CIZ1: variants seen among roughly 807,000 people sequenced by gnomAD.
The protein encoded by CIZ1 is CDKN1A interacting zinc finger protein 1, also known as cip1-interacting zinc finger protein.
CIZ1 carries 58 observed loss-of-function variants against 118.6 expected under a neutral mutation model. That is an observed-to-expected ratio of 0.49 (90% confidence interval 0.40 to 0.61). The LOEUF (loss-of-function observed/expected upper bound fraction) is 0.61, where lower values mean the gene tolerates loss of function less well. Ranked by LOEUF, CIZ1 falls within the 20% of genes least tolerant of loss-of-function variation. CIZ1 has a pLI of 0.00. For synonymous variants in CIZ1, 448 were observed against 443.4 expected, an observed-to-expected ratio of 1.01 and a Z score of -0.13; for missense variants, 921 against 1,115.9, an observed-to-expected ratio of 0.83 and a Z score of 2.49.
chr9:128,181,158 T>C (rs953975810), intron 5 of CIZ1, among the ~76,000 whole-genome samples: 1 of 152,084 alleles, frequency 6.6e-6, no homozygotes, highest in Admixed American at 6.5e-5. Flanking sequence ...TCTTGTGGCC[T>C]AGGCTGGAGT....
At chr9:128,185,518 G>A (rs769726415) in intron 5 of CIZ1, 29 bp downstream of exon 5, 14 of 601,788 alleles carry the variant, frequency 2.3e-5, no homozygotes, top group Middle Eastern at 7.7e-4. Flanking sequence ...GTCCCCTCCC[G>A]CCCACTCCCA....
chr9:128,181,771 G>T (rs918199778), intron 5 of CIZ1, among the ~76,000 whole-genome samples: 2 of 151,578 alleles, frequency 1.3e-5, no homozygotes, highest in Admixed American at 6.6e-5. Flanking sequence ...AGGCGGGGGG[G>T]GGGGGGGGGT....
Position 128,177,556 on chromosome 9 carries a change from G to C in CIZ1, c.1818+10C>G, listed in dbSNP as rs1353185026. On this transcript the variant is annotated intron_variant, in intron 10 of 16. Transcript: ENST00000372938. Reference sequence around the variant, plus strand: ...CCACCCCTCCCCACCCTTATCTCCTGTATCAGTACCTGCTGGCTGGAGCAG... The same window carrying C: ...CCACCCCTCCCCACCCTTATCTCCTCTATCAGTACCTGCTGGCTGGAGCAG... The C allele has an allele frequency of 2.2e-6, 3 of 1,344,008 alleles. No individual in the cohort carries two copies. The highest frequency in any genetic ancestry group is 3.0e-6 in the Non-Finnish European group (3 of 1,002,840). 83.3% of individuals were successfully genotyped at this position (1,344,008 alleles called of 1,614,324 possible). A position where few individuals can be genotyped will look rare whatever the true frequency, so the allele number is the denominator to read the frequency against.
At chr9:128,170,494 A>G (rs1326308124) in intron 11 of CIZ1, among the ~76,000 whole-genome samples, 3 of 152,172 alleles carry the variant, frequency 2.0e-5, no homozygotes, top group African/African-American at 7.2e-5. Flanking sequence ...TCTAGCAAAA[A>G]TACAAAAAAT....
Position 128,203,590 on chromosome 9 carries a change from G to T in CIZ1, c.-6+596C>A. The T allele has an allele frequency of 6.4e-7, 1 of 1,552,200 alleles. No homozygotes were observed. The highest frequency in any genetic ancestry group is 8.7e-7 in the Non-Finnish European group (1 of 1,153,520). On this transcript the variant is annotated intron_variant, in intron 1 of 17. Coordinates refer to the CIZ1 transcript ENST00000372948. The surrounding 1 kb of genome is among the most constrained non-coding windows in gnomAD (Gnocchi z 5.3). ...CGCAGATCGCTGTGGTGGGCGGCCA[G>T]AGCGCCGGCAAGAGCTCGGTGCTCG...
intron 14 of CIZ1, 87 bp downstream of exon 14, chr9:128,168,965 G>C: frequency 2.5e-6 from 4 of 1,581,560 alleles, no homozygotes; most frequent in Non-Finnish European, 3.4e-6. Flanking sequence ...TGCCAGCCCA[G>C]TGTCTGGCCT....
chr9:128,192,825 G>C (rs775143804), upstream of CIZ1, among the ~76,000 whole-genome samples: 2 of 152,246 alleles, frequency 1.3e-5, no homozygotes, highest in Non-Finnish European at 2.9e-5. Context: ...TTACAGGGGT[G>C]AGCCACCTCT....
chr9:128,175,922 A>AG (rs1395356343), intron 11 of CIZ1, among the ~76,000 whole-genome samples: 2 of 152,242 alleles, frequency 1.3e-5, no homozygotes, highest in Non-Finnish European at 2.9e-5. Flanking sequence ...TCCAGACCCC[A>AG]GGAGGGCTGA....
chr9:128,203,641 G>T lies in CIZ1; in HGVS notation c.-6+545C>A. On this transcript the variant is annotated intron_variant, in intron 1 of 17. Coordinates refer to the CIZ1 transcript ENST00000372948. The surrounding 1 kb of genome is among the most constrained non-coding windows in gnomAD (Gnocchi z 5.3). ...AGAATTTCGTAGGCAGGTAGGCGCGGCGCGCCCCCAGGCGCCGACCCCCGA... is the reference window on the plus strand; with the variant it reads ...AGAATTTCGTAGGCAGGTAGGCGCGTCGCGCCCCCAGGCGCCGACCCCCGA... The T allele has an allele frequency of 6.6e-7, 1 of 1,517,192 alleles. No homozygotes were observed. The highest frequency in any genetic ancestry group is 8.8e-7 in the Non-Finnish European group (1 of 1,139,750). The allele number at this position is 1,517,192 out of a possible 1,614,324, so 94.0% of individuals were successfully genotyped here. A position where few individuals can be genotyped will look rare whatever the true frequency, so the allele number is the denominator to read the frequency against.
rs373247353 is a variant in CIZ1 at position 128,169,046 on chromosome 9, C to G, written c.2295+6G>C. On this transcript the variant is annotated splice_donor_region_variant and intron_variant, in intron 14 of 16. Transcript: ENST00000372938. ...AAGCCCGCCTCCCACACCCTCCCCC[C>G]AGCACCTGCTTGCAGAGTTCCTCCT... 6.2e-6 allele frequency: 10 copies of G among 1,613,982 alleles called. No homozygotes were observed. The highest frequency in any genetic ancestry group is 8.5e-6 in the Non-Finnish European group (10 of 1,179,988).
At chr9:128,181,570 G>C (rs1428635802) in intron 5 of CIZ1, among the ~76,000 whole-genome samples, 1 of 152,224 alleles carries the variant, frequency 6.6e-6, no homozygotes, top group Non-Finnish European at 1.5e-5. Context: ...TAGGAGCTGA[G>C]GGGACATAGT....
At position 128,185,716 on chromosome 9, in the gene CIZ1, G is replaced by T. The variant is rs755879444; in HGVS notation, c.419C>A (p.Pro140Gln). The T allele has an allele frequency of 1.9e-6, 3 of 1,612,468 alleles. No individual in the cohort carries two copies. The highest frequency in any genetic ancestry group is 1.7e-5 in the Admixed American group (1 of 59,836). The change falls in exon 5 of 17, where the codon CCA becomes CAA. Residue 140 changes from proline to glutamine, a missense_variant. Transcript: ENST00000372938. ...TTGCAAATTTGGAGTGGCCAGTTGT[G>T]GGGGTGTGAGGCTGGGGGCTGCGAG... ...PGLAAPSLTP[P>Q]QLATPNLQQF...
chr9:128,190,862 G>A lies in CIZ1; in HGVS notation c.-5C>T. ...CTGCTGCTGCTGGCTGAACATGGTG[G>A]CTAGGGGCAGAAAGCAGAGTGAGGC... is the stretch of plus-strand genomic sequence containing the variant. On this transcript the variant is annotated splice_region_variant and 5_prime_UTR_variant, in exon 2 of 17. Coordinates refer to ENST00000372938, the MANE Select transcript of CIZ1 (RefSeq NM_001131016.2). 1 of 1,538,590 alleles carries A rather than the reference G, an allele frequency of 6.5e-7. No individual in the cohort carries two copies. The highest frequency in any genetic ancestry group is 8.7e-7 in the Non-Finnish European group (1 of 1,146,280).
intron 5 of CIZ1, among the ~76,000 whole-genome samples, chr9:128,183,409 C>T (rs1446406566): frequency 1.3e-5 from 2 of 152,234 alleles, no homozygotes; most frequent in African/African-American, 4.8e-5. Context: ...TCTGTGATGA[C>T]AGGCCCGTTG....
At chr9:128,188,091 T>TAAAAAAAAAAAAAA (rs1564294678) in intron 3 of CIZ1, among the ~76,000 whole-genome samples, 157 bp from the exon 4 acceptor site, 2 of 26,886 alleles carry the variant, frequency 7.4e-5, no homozygotes, top group Admixed American at 4.9e-4. Flanking sequence ...AACAAAAAAT[T>TAAAAAAAAAAAAAA]AAAAAAAGCA....
intron 5 of CIZ1, among the ~76,000 whole-genome samples, chr9:128,181,433 T>C (rs1019464803): frequency 6.6e-6 from 1 of 152,210 alleles, no homozygotes; most frequent in Non-Finnish European, 1.5e-5. Flanking sequence ...ATACCAGATA[T>C]AGATCTTAGA....
intron 5 of CIZ1, among the ~76,000 whole-genome samples, chr9:128,184,857 AG>A (rs1156316016): frequency 6.6e-6 from 1 of 151,918 alleles, no homozygotes; most frequent in East Asian, 2.0e-4. Context: ...TTAGTAGAGA[AG>A]GGGGTTTTGC....
chr9:128,174,414 T>A (rs1828089187), intron 11 of CIZ1, among the ~76,000 whole-genome samples: 1 of 152,232 alleles, frequency 6.6e-6, no homozygotes, highest in Admixed American at 6.5e-5. Flanking sequence ...GTGCCCACTG[T>A]AGTGAGAGAT....
In CIZ1 at chr9:128,176,330, C is replaced by T. The variant is rs542127293; in HGVS notation, c.1943+21G>A. 3.1e-6 allele frequency: 5 copies of T among 1,612,072 alleles called. No homozygotes were observed. The South Asian group carries it at 4.4e-5, about 14-fold the overall frequency. On this transcript the variant is annotated intron_variant, in intron 11 of 16. Transcript: ENST00000372938. ...AGACTGCCTACCCCCCAACACAGAG[C>T]TTCCACGATCCCCCACTCACTCATC...
Sources: allele counts gnomAD v4.1 joint callset (sites outside exome capture counted in the v4.1 genomes callset), GRCh38; gene constraint gnomAD v4.1.1; non-coding constraint Gnocchi (gnomAD v3.1); transcripts MANE v1.5; gene names NCBI Gene and HGNC (gene_info 2026-07-23, HGNC 2026-07-21).